RORA: variants seen among roughly 807,000 people sequenced by gnomAD.
RORA encodes the protein nuclear receptor ROR-alpha.
A neutral mutation model predicts 69.5 loss-of-function variants in RORA; 7 were observed. The ratio of observed to expected loss-of-function variants is 0.10; its 90% confidence interval spans 0.06 to 0.19. The LOEUF is 0.19. Ranked by LOEUF, RORA falls within the 10% of genes least tolerant of loss-of-function variation. The probability of loss-of-function intolerance (pLI) is 1.00; values close to 1 mark genes in which losing one functional copy is unlikely to be tolerated. For synonymous variants in RORA, 261 were observed against 240.8 expected (o/e 1.08, Z -0.78); for missense variants, 457 against 663.0 (o/e 0.69, Z 3.41).
chr15:61,005,573 TTCTC>T (rs60796763), intron 1 of RORA, among the ~76,000 whole-genome samples: 21,320 of 152,038 alleles, frequency 0.14, 1,601 homozygotes, highest in East Asian at 0.28. Flanking sequence ...TCTGAAAGCT[TTCTC>T]TCTCTCTCTT....
chr15:60,515,102 T>A (rs1882132062), intron 3 of RORA, among the ~76,000 whole-genome samples: 1 of 152,204 alleles, frequency 6.6e-6, no homozygotes, highest in African/African-American at 2.4e-5. Context: ...ACCTTTAGCC[T>A]TTATCTCTAA....
intron 2 of RORA, among the ~76,000 whole-genome samples, chr15:60,597,432 G>A (rs1428297549): frequency 2.1e-5 from 3 of 145,574 alleles, no homozygotes; most frequent in South Asian, 4.6e-4. Flanking sequence ...TGCAAACCAA[G>A]GCCAAGAGGG....
chr15:61,112,123 G>A (rs556606575), intron 1 of RORA, among the ~76,000 whole-genome samples: 1 of 152,234 alleles, frequency 6.6e-6, no homozygotes, highest in African/African-American at 2.4e-5. Context: ...TGTTGGTCTG[G>A]GGCAAGAGAA....
At chr15:60,777,714 A>G (rs2072192289) in intron 1 of RORA, among the ~76,000 whole-genome samples, 1 of 152,206 alleles carries the variant, frequency 6.6e-6, no homozygotes, top group Non-Finnish European at 1.5e-5. Context: ...GAGTCCCCTC[A>G]TGCAGCAGAG....
chr15:60,827,624 T>C (rs538298620), intron 1 of RORA, among the ~76,000 whole-genome samples: 2 of 152,332 alleles, frequency 1.3e-5, no homozygotes, highest in South Asian at 2.1e-4. Flanking sequence ...GGACCCCAGA[T>C]TCCTGCTGCT....
intron 2 of RORA, among the ~76,000 whole-genome samples, chr15:60,637,441 T>C (rs2069861345): frequency 6.6e-6 from 1 of 152,188 alleles, no homozygotes; most frequent in South Asian, 2.1e-4. Flanking sequence ...TATTTTTCTC[T>C]ATATTTCAAT....
At chr15:60,910,716 A>C (rs1421618303) in intron 1 of RORA, among the ~76,000 whole-genome samples, 1 of 152,198 alleles carries the variant, frequency 6.6e-6, no homozygotes. Flanking sequence ...CCATGGAATC[A>C]CATGGCTTCT....
At chr15:61,018,751 CGTAT>C (rs1895397309) in intron 1 of RORA, among the ~76,000 whole-genome samples, 1 of 152,036 alleles carries the variant, frequency 6.6e-6, no homozygotes, top group African/African-American at 2.4e-5. Flanking sequence ...CATATGAGTA[CGTAT>C]GTATATGATG....
intron 2 of RORA, among the ~76,000 whole-genome samples, chr15:60,533,416 A>G (rs142155412): frequency 1.4e-4 from 21 of 152,344 alleles, no homozygotes; most frequent in African/African-American, 4.6e-4. Flanking sequence ...TTAAGGTTGC[A>G]TTCAACAAAA....
At chr15:60,883,411 G>A (rs1293146757) in intron 1 of RORA, among the ~76,000 whole-genome samples, 1 of 151,970 alleles carries the variant, frequency 6.6e-6, no homozygotes, top group Non-Finnish European at 1.5e-5. Flanking sequence ...ATTAAAAAGT[G>A]TTTGTTTAAC....
intron 1 of RORA, among the ~76,000 whole-genome samples, chr15:60,928,433 A>G (rs1199892212): frequency 6.6e-6 from 1 of 152,198 alleles, no homozygotes; most frequent in Non-Finnish European, 1.5e-5. Context: ...GTGGAAGCCA[A>G]CAACAAAAGC....
intron 4 of RORA, among the ~76,000 whole-genome samples, chr15:60,514,239 T>C (rs2065792048): frequency 6.6e-6 from 1 of 152,216 alleles, no homozygotes; most frequent in Non-Finnish European, 1.5e-5. Flanking sequence ...GTAACAGTTG[T>C]GGTTCACATT....
intron 2 of RORA, among the ~76,000 whole-genome samples, chr15:60,609,570 C>T (rs966067972): frequency 2.0e-5 from 3 of 152,100 alleles, no homozygotes; most frequent in Non-Finnish European, 2.9e-5. Flanking sequence ...AGGTGGCCTA[C>T]CTTTCATCAT....
intron 2 of RORA, among the ~76,000 whole-genome samples, chr15:60,605,223 C>CA (rs71888612): frequency 4.9e-4 from 74 of 149,982 alleles, no homozygotes; most frequent in African/African-American, 1.5e-3. Flanking sequence ...TACTCCATTT[C>CA]AAAAAAAAAA....
At chr15:60,946,822 G>A (rs991079576) in intron 1 of RORA, among the ~76,000 whole-genome samples, 2 of 151,928 alleles carry the variant, frequency 1.3e-5, no homozygotes, top group Admixed American at 6.6e-5. Context: ...TAGGAAGTGA[G>A]GAGCGTCTCT....
chr15:60,831,426 G>A (rs2073040619), intron 1 of RORA, among the ~76,000 whole-genome samples: 1 of 152,026 alleles, frequency 6.6e-6, no homozygotes, highest in Non-Finnish European at 1.5e-5. Context: ...AATAGCAAAG[G>A]ACACACAACA....
chr15:60,782,293 G>A (rs890820275), intron 1 of RORA, among the ~76,000 whole-genome samples: 25 of 152,248 alleles, frequency 1.6e-4, no homozygotes, highest in Middle Eastern at 6.8e-3. Context: ...TTAAGAGCAC[G>A]TGAAAATTAA....
At chr15:60,809,345 T>A (rs1032947957) in intron 1 of RORA, among the ~76,000 whole-genome samples, 2 of 152,122 alleles carry the variant, frequency 1.3e-5, no homozygotes, top group Non-Finnish European at 2.9e-5. Flanking sequence ...CAATTCTGTG[T>A]TTTTCAAAAT....
At chr15:60,685,011 T>C (rs1456332623) in intron 1 of RORA, among the ~76,000 whole-genome samples, 1 of 152,234 alleles carries the variant, frequency 6.6e-6, no homozygotes, top group African/African-American at 2.4e-5. Flanking sequence ...AAATGTAAGA[T>C]AATTCACGTG....
Sources: gnomAD v4.1 joint callset for allele counts (sites outside exome capture counted in the v4.1 genomes callset) on GRCh38, gnomAD v4.1.1 for gene constraint, MANE v1.5 for transcripts, NCBI Gene and HGNC (gene_info 2026-07-23, HGNC 2026-07-21) for gene names.